Variants in TRMT11 observed in about 807,000 individuals in gnomAD.
TRMT11 encodes tRNA (guanine(10)-N(2))-methyltransferase TRMT11.
TRMT11 carries 53 observed loss-of-function variants against 62.8 expected under a neutral mutation model. The ratio of observed to expected loss-of-function variants is 0.84; its 90% CI spans 0.68 to 1.06. TRMT11 has a LOEUF of 1.06. TRMT11 is among the 50% of genes least tolerant of loss of function. The probability of loss-of-function intolerance (pLI) is 0.00; values close to 1 mark genes in which losing one functional copy is unlikely to be tolerated. For synonymous variants in TRMT11, 188 were observed against 190.3 expected (o/e 0.99, Z 0.10); for missense variants, 556 against 553.4 (o/e 1.00, Z -0.05).
At chr6:126,232,344 GA>G in the TRMT11 span, among the ~76,000 whole-genome samples, 2 of 151,700 alleles carry the variant, frequency 1.3e-5, no homozygotes, top group Non-Finnish European at 2.9e-5. Flanking sequence ...CTGAATAGAA[GA>G]AAACCCCCAA....
chr6:126,056,970 A>T (rs1273535940), intron 17 of TRMT11, among the ~76,000 whole-genome samples: 1 of 152,168 alleles, frequency 6.6e-6, no homozygotes, highest in Non-Finnish European at 1.5e-5. Flanking sequence ...TTGGTGCAGT[A>T]ATTATGGAAG....
At chr6:126,231,627 A>G in the TRMT11 span, among the ~76,000 whole-genome samples, 1 of 152,156 alleles carries the variant, frequency 6.6e-6, no homozygotes, top group Non-Finnish European at 1.5e-5. Flanking sequence ...AGTACATTGG[A>G]AACAAGCACA....
intron 17 of TRMT11, among the ~76,000 whole-genome samples, chr6:126,108,072 A>G (rs2128185075): frequency 6.6e-6 from 1 of 152,290 alleles, no homozygotes; most frequent in East Asian, 1.9e-4. Flanking sequence ...TTTTTGTCTC[A>G]TATTCAAATA....
At chr6:126,012,734 CTT>C (rs770932905) in intron 9 of TRMT11, 35 bp from the exon 10 acceptor site, 1 of 1,554,022 alleles carries the variant, frequency 6.4e-7, no homozygotes, top group East Asian at 2.2e-5. Flanking sequence ...GATTTGGTGA[CTT>C]TTGACTATCT....
rs1343554719 is a variant in TRMT11, at chr6:125,998,636, C to T, written c.474C>T (p.Asp158=). Residue 158 remains aspartate, a synonymous_variant, in exon 6 of 13, where the codon GAC becomes GAT. Coordinates refer to ENST00000334379, the MANE Select transcript of TRMT11 (RefSeq NM_001031712.3). The part of the protein sequence containing the change: ...VFSVLEDYGL[D]PNCIPENPHN... ...CTGTTTTGGAGGATTATGGTTTAGA[C>T]CCAAACTGCATCCCTGAGAATCCAC... The T allele has an allele frequency of 2.5e-6, 4 of 1,613,384 alleles. No individual in the cohort carries two copies. The highest frequency in any genetic ancestry group is 3.4e-6 in the Non-Finnish European group (4 of 1,179,638).
At chr6:126,124,671 G>C (rs2128200680) in intron 21 of TRMT11, among the ~76,000 whole-genome samples, 1 of 152,176 alleles carries the variant, frequency 6.6e-6, no homozygotes, top group East Asian at 1.9e-4. Flanking sequence ...GATGATGAGA[G>C]GCTTGTAGAT....
chr6:126,223,887 A>G, the TRMT11 span, among the ~76,000 whole-genome samples: 1 of 152,152 alleles, frequency 6.6e-6, no homozygotes, highest in African/African-American at 2.4e-5. Context: ...GATTCAAAGA[A>G]TCTATCTTTG....
At chr6:126,247,445 C>CTATG in the TRMT11 span, among the ~76,000 whole-genome samples, 1 of 77,986 alleles carries the variant, frequency 1.3e-5, no homozygotes, top group Admixed American at 1.4e-4. Flanking sequence ...CAGAACATAT[C>CTATG]TATCTATCTA....
At chr6:126,056,708 T>C (rs1231030610) in intron 17 of TRMT11, among the ~76,000 whole-genome samples, 1 of 152,226 alleles carries the variant, frequency 6.6e-6, no homozygotes, top group Non-Finnish European at 1.5e-5. Context: ...ACCATCCTCC[T>C]TGAGGCAGAG....
At chr6:126,122,358 C>T (rs572572369) in intron 21 of TRMT11, among the ~76,000 whole-genome samples, 1 of 152,190 alleles carries the variant, frequency 6.6e-6, no homozygotes, top group South Asian at 2.1e-4. Context: ...TCTTGCCCTC[C>T]TATCTCTCAG....
chr6:126,131,521 C>A (rs113370904), intron 21 of TRMT11, among the ~76,000 whole-genome samples: 30 of 152,070 alleles, frequency 2.0e-4, no homozygotes, highest in African/African-American at 7.0e-4. Context: ...TTACACCACG[C>A]CTTTAAAAGG....
intron 17 of TRMT11, among the ~76,000 whole-genome samples, chr6:126,070,803 CAGT>C (rs1776828975): frequency 6.6e-6 from 1 of 152,132 alleles, no homozygotes; most frequent in African/African-American, 2.4e-5. Context: ...TCTGTGATGT[CAGT>C]AGTAGTATTC....
chr6:126,000,091 A>G (rs1242324314), intron 7 of TRMT11, among the ~76,000 whole-genome samples: 1 of 152,166 alleles, frequency 6.6e-6, no homozygotes, highest in Non-Finnish European at 1.5e-5. Context: ...GGAGGTTTAT[A>G]AGTAAGTGTG....
intron 17 of TRMT11, among the ~76,000 whole-genome samples, chr6:126,086,158 G>A (rs997140322): frequency 6.6e-6 from 1 of 152,094 alleles, no homozygotes; most frequent in Non-Finnish European, 1.5e-5. Context: ...TTAAAAGGAA[G>A]CACGACTCAA....
At chr6:125,997,922 A>G in intron 3 of TRMT11, 131 bp from the exon 4 acceptor site, 1 of 613,616 alleles carries the variant, frequency 1.6e-6, no homozygotes, top group South Asian at 2.4e-5. Flanking sequence ...AAAATAACCG[A>G]TTCATTTATA....
At chr6:126,050,754 A>G (rs926472613) in intron 16 of TRMT11, among the ~76,000 whole-genome samples, 2 of 152,172 alleles carry the variant, frequency 1.3e-5, no homozygotes, top group Non-Finnish European at 2.9e-5. Context: ...GAGACAGGCC[A>G]GGAGGTAAAT....
At chr6:126,258,081 A>G in the TRMT11 span, 3 of 1,081,700 alleles carry the variant, frequency 2.8e-6, no homozygotes, top group South Asian at 2.5e-5. Context: ...ATCCACGTCA[A>G]TCTCCAGTTC....
intron 12 of TRMT11, among the ~76,000 whole-genome samples, chr6:126,028,810 G>A (rs1773654636): frequency 6.6e-6 from 1 of 152,126 alleles, no homozygotes; most frequent in Non-Finnish European, 1.5e-5. Context: ...TCTGGATCCT[G>A]CATCTTATGG....
At chr6:126,255,336 C>A in the TRMT11 span, among the ~76,000 whole-genome samples, 1 of 152,146 alleles carries the variant, frequency 6.6e-6, no homozygotes, top group Non-Finnish European at 1.5e-5. Flanking sequence ...TAATTTGTAT[C>A]TTATTCTCTG....
Sources: allele counts gnomAD v4.1 joint callset (sites outside exome capture counted in the v4.1 genomes callset), GRCh38; gene constraint gnomAD v4.1.1; transcripts MANE v1.5; gene names NCBI Gene and HGNC (gene_info 2026-07-23, HGNC 2026-07-21).